Variants in SNRPF observed in about 807,000 individuals in gnomAD.
SNRPF encodes small nuclear ribonucleoprotein F.
In SNRPF, 1 loss-of-function variant was observed where a neutral mutation model predicts 13.4. The observed-to-expected ratio is 0.07, with a 90% CI of 0.03 to 0.35. The LOEUF is 0.35. Ranked by LOEUF, SNRPF falls within the 10% of genes least tolerant of loss-of-function variation. SNRPF has a pLI of 0.99. For synonymous variants in SNRPF, 27 were observed against 32.1 expected (o/e 0.84, Z 0.54); for missense variants, 53 against 101.0 (o/e 0.52, Z 2.04).
At chr12:95,861,473 T>G (rs2079496204) in intron 2 of SNRPF, 180 bp downstream of exon 2, 8 of 418,148 alleles carry the variant, frequency 1.9e-5, no homozygotes, top group South Asian at 1.2e-4. Context: ...AGACATGGAC[T>G]TAAACCAGAA....
rs1244463083 is a variant in SNRPF at position 95,865,319 on chromosome 12, G to T, written c.130-5G>T. On this transcript the variant is annotated splice_region_variant and splice_polypyrimidine_tract_variant and intron_variant, in intron 2 of 3. Transcript: ENST00000266735. ...TTATACTAATATATTTCTTTTTATT[G>T]AAAGCTTGCAAATACAGAAGAATAC... 1.4e-6 allele frequency: 2 copies of T among 1,463,394 alleles called. No homozygotes were observed. Among genetic ancestry groups the T allele is most frequent in the Non-Finnish European group, 1.9e-6 (2 of 1,046,440 alleles). The allele number at this position is 1,463,394 out of a possible 1,614,324, so 90.7% of individuals were successfully genotyped here. A position where few individuals can be genotyped will look rare whatever the true frequency, so the allele number is the denominator to read the frequency against.
intron 1 of SNRPF, 21 bp from the exon 2 acceptor site, chr12:95,861,147 C>T: frequency 1.9e-6 from 3 of 1,591,672 alleles, no homozygotes; most frequent in Non-Finnish European, 2.6e-6. Flanking sequence ...TTAATTAGAT[C>T]CTTTTTTGTT....
At chr12:95,865,134 T>C in intron 2 of SNRPF, 190 bp from the exon 3 acceptor site, 1 of 385,426 alleles carries the variant, frequency 2.6e-6, no homozygotes, top group Non-Finnish European at 4.6e-6. Flanking sequence ...ATTAATTTCG[T>C]TGAAGGTTTA....
At chr12:95,859,597 C>G (rs10859966) in intron 1 of SNRPF, among the ~76,000 whole-genome samples, 6 of 152,110 alleles carry the variant, frequency 3.9e-5, no homozygotes, top group Admixed American at 6.5e-5. Flanking sequence ...GAATTTAACT[C>G]GAAGCCTAAG....
At chr12:95,864,784 C>A (rs1472771677) in intron 2 of SNRPF, among the ~76,000 whole-genome samples, 1 of 152,192 alleles carries the variant, frequency 6.6e-6, no homozygotes, top group Non-Finnish European at 1.5e-5. Context: ...TGGCACATGC[C>A]TTTAGTCCTA....
Position 95,866,078 on chromosome 12 carries a change from T to C in SNRPF, c.*7T>C, listed in dbSNP as rs1357600683. The C allele has an allele frequency of 7.2e-7, 1 of 1,393,330 alleles. No individual in the cohort carries two copies. The highest frequency in any genetic ancestry group is 1.0e-6 in the Non-Finnish European group (1 of 1,000,412). 86.3% of individuals were successfully genotyped at this position (1,393,330 alleles called of 1,614,324 possible). On this transcript the variant is annotated 3_prime_UTR_variant, in exon 4 of 4. Coordinates refer to ENST00000266735, the MANE Select transcript of SNRPF (RefSeq NM_003095.5). ...TGGGGAAATGAGAGAATAGCATCTT[T>C]TGTGGGGGATTTTTTTTATATATAT...
intron 1 of SNRPF, among the ~76,000 whole-genome samples, chr12:95,860,398 G>A (rs1203115948): frequency 6.6e-6 from 1 of 152,180 alleles, no homozygotes; most frequent in Admixed American, 6.5e-5. Context: ...CTTTAAAACT[G>A]AGGTATTACT....
At chr12:95,865,508 C>G (rs1310254042) in intron 3 of SNRPF, 120 bp downstream of exon 3, 1 of 475,670 alleles carries the variant, frequency 2.1e-6, no homozygotes, top group African/African-American at 2.0e-5. Context: ...TATTATAATA[C>G]TTTACAGTTA....
At chr12:95,862,461 C>G (rs1306104494) in intron 2 of SNRPF, among the ~76,000 whole-genome samples, 1 of 152,144 alleles carries the variant, frequency 6.6e-6, no homozygotes, top group East Asian at 1.9e-4. Flanking sequence ...TGCCTGTAAT[C>G]CCAGCACTTT....
intron 1 of SNRPF, 31 bp from the exon 2 acceptor site, chr12:95,861,133 ATAAT>A (rs768067159): frequency 1.3e-6 from 2 of 1,578,076 alleles, no homozygotes; most frequent in Non-Finnish European, 1.7e-6. Context: ...GGGAGGAAAA[ATAAT>A]TAATTAGATC....
chr12:95,863,768 A>G (rs2079508045), intron 2 of SNRPF, among the ~76,000 whole-genome samples: 1 of 152,236 alleles, frequency 6.6e-6, no homozygotes, highest in Admixed American at 6.5e-5. Flanking sequence ...TACCAGAATT[A>G]GTGTACAACT....
chr12:95,859,208 C>A lies in SNRPF; in HGVS notation c.3+132C>A, dbSNP rs547275363. On this transcript the variant is annotated intron_variant, in intron 1 of 3. Transcript: ENST00000266735. ...GGCGCCGCGCACCCTGTCGCCAGCT[C>A]CTTTCACTCTGCTTTTAGGTTTCTG... The A allele has an allele frequency of 2.3e-5, 17 of 744,116 alleles. No individual in the cohort carries two copies. In the African/African-American group the frequency reaches 4.2e-4, roughly 18 times the overall value. The allele number at this position is 744,116 out of a possible 1,614,324, so 46.1% of individuals were successfully genotyped here.
At chr12:95,859,959 T>A (rs2079487131) in intron 1 of SNRPF, among the ~76,000 whole-genome samples, 1 of 152,160 alleles carries the variant, frequency 6.6e-6, no homozygotes, top group African/African-American at 2.4e-5. Context: ...TGGAGACCCA[T>A]TAGGTTATTG....
intron 2 of SNRPF, among the ~76,000 whole-genome samples, chr12:95,862,857 G>A (rs2079502624): frequency 6.6e-6 from 1 of 152,098 alleles, no homozygotes; most frequent in Non-Finnish European, 1.5e-5. Flanking sequence ...TATTCTAATG[G>A]GTGTGAAGTG....
chr12:95,861,423 A>T (rs1271066816), intron 2 of SNRPF, 130 bp downstream of exon 2: 1 of 812,422 alleles, frequency 1.2e-6, no homozygotes, highest in Non-Finnish European at 1.9e-6. Context: ...TTCAAAAATA[A>T]AGTCAAAGCC....
chr12:95,859,382 C>T (rs1413043129), intron 1 of SNRPF, among the ~76,000 whole-genome samples: 1 of 152,176 alleles, frequency 6.6e-6, no homozygotes, highest in African/African-American at 2.4e-5. Context: ...CTTAACCACA[C>T]TCCAGAATTC....
At chr12:95,865,295 T>A in intron 2 of SNRPF, 29 bp from the exon 3 acceptor site, 1 of 1,135,658 alleles carries the variant, frequency 8.8e-7, no homozygotes, top group Non-Finnish European at 1.3e-6. Flanking sequence ...CCTGTGTGAT[T>A]ATACTAATAT....
rs17024783 is a variant in SNRPF at position 95,859,055 on chromosome 12, A to G, written c.-19A>G. 26,548 of 1,612,944 alleles carry G rather than the reference A, an allele frequency of 0.016. 859 individuals carry two copies. Among genetic ancestry groups the G allele is most frequent in the African/African-American group, 0.095 (7,141 of 75,016 alleles). On this transcript the variant is annotated 5_prime_UTR_variant, in exon 1 of 4. Coordinates refer to ENST00000266735, the MANE Select transcript of SNRPF (RefSeq NM_003095.5). ...CCTGGTCGGCAGAGAGTAGCCTGCA[A>G]CATTCGGCCGTGGTTACGATGGTAA...
At chr12:95,859,172 C>G (rs1451864482) in intron 1 of SNRPF, 96 bp downstream of exon 1, 1 of 1,151,214 alleles carries the variant, frequency 8.7e-7, no homozygotes, top group Admixed American at 1.9e-5. Flanking sequence ...GTTTCCCATT[C>G]ATCCGCGTGA....
Sources: gnomAD v4.1 joint callset for allele counts (sites outside exome capture counted in the v4.1 genomes callset) on GRCh38, gnomAD v4.1.1 for gene constraint, MANE v1.5 for transcripts, NCBI Gene and HGNC (gene_info 2026-07-23, HGNC 2026-07-21) for gene names.